Variants in FBXO38 observed in about 807,000 individuals in gnomAD.
The protein encoded by FBXO38 is F-box protein 38, also known as F-box only protein 38.
Under a neutral mutation model 131.9 loss-of-function variants are expected in FBXO38, and 53 were observed. The observed-to-expected ratio is 0.40, with a 90% CI of 0.32 to 0.51. FBXO38 has a LOEUF of 0.51. Ranked by LOEUF, FBXO38 falls within the 20% of genes least tolerant of loss-of-function variation. FBXO38 has a pLI of 0.53. For synonymous variants in FBXO38, 452 were observed against 505.6 expected (o/e 0.89, Z 1.42); for missense variants, 1,076 against 1,475.6 (o/e 0.73, Z 4.44).
chr5:148,395,943 A>G (rs1758456901), intron 2 of FBXO38, among the ~76,000 whole-genome samples: 1 of 152,150 alleles, frequency 6.6e-6, no homozygotes, highest in Non-Finnish European at 1.5e-5. Flanking sequence ...TAGTTTACCT[A>G]TGAAAAATTT....
chr5:148,407,933 A>AG (rs1752532541), intron 7 of FBXO38, among the ~76,000 whole-genome samples: 2 of 151,784 alleles, frequency 1.3e-5, no homozygotes, highest in South Asian at 4.2e-4. Flanking sequence ...TCAAAAAAAA[A>AG]AGAGAGAGAG....
chr5:148,440,588 C>T (rs1754621296), intron 20 of FBXO38, 61 bp downstream of exon 20: 8 of 1,013,408 alleles, frequency 7.9e-6, no homozygotes, highest in African/African-American at 1.7e-5. Flanking sequence ...CTCTGTAATC[C>T]CAGCGACTCA....
At position 148,442,378 on chromosome 5, in the gene FBXO38, T is replaced by G; in HGVS notation, c.*231T>G. ...TATCATATGTTTATACAATTTAATT[T>G]AAAAATTCATTTTAAGGAAGACAGA... On this transcript the variant is annotated 3_prime_UTR_variant, in exon 22 of 22. Coordinates refer to ENST00000340253, the MANE Select transcript of FBXO38 (RefSeq NM_205836.3). The G allele has an allele frequency of 3.1e-6, 1 of 318,976 alleles. No homozygotes were observed. Among genetic ancestry groups the G allele is most frequent in the Non-Finnish European group, 5.6e-6 (1 of 177,384 alleles). The allele number at this position is 318,976 out of a possible 1,614,324, so 19.8% of individuals were successfully genotyped here.
At position 148,427,845 on chromosome 5, in the gene FBXO38, C is replaced by G; in HGVS notation, c.2551C>G (p.Gln851Glu). The G allele has an allele frequency of 1.9e-6, 3 of 1,598,162 alleles. No homozygotes were observed. The highest frequency in any genetic ancestry group is 2.6e-6 in the Non-Finnish European group (3 of 1,172,828). The change falls in exon 15 of 22, where the codon CAG becomes GAG. Residue 851 changes from glutamine (Q) to glutamate (E), a missense_variant. Coordinates refer to ENST00000340253, the MANE Select transcript of FBXO38 (RefSeq NM_205836.3). ...ATGEDRRGSS[Q>E]PESCDVQSNE... is the part of the protein sequence containing the mutation. ...AGGTGAGGACAGGAGGGGGAGCTCC[C>G]AGCCTGAGAGTTGTGACGTGCAGTC...
Position 148,427,951 on chromosome 5 carries a change from T to C in FBXO38, c.2653+4T>C. On this transcript the variant is annotated splice_donor_region_variant and intron_variant, in intron 15 of 21. Transcript: ENST00000340253. The stretch of plus-strand genomic sequence containing the variant: ...GTACTGCTGGTATCTGAGTCAGGTA[T>C]GACAATGCTCCTAGGATTAGCAACT... 2.7e-6 allele frequency: 4 copies of C among 1,505,166 alleles called. No homozygotes were observed. Among genetic ancestry groups the C allele is most frequent in the Non-Finnish European group, 1.8e-6 (2 of 1,126,738 alleles). 93.2% of individuals were successfully genotyped at this position (1,505,166 alleles called of 1,614,324 possible).
At chr5:148,386,720 T>C (rs1169287296) in intron 1 of FBXO38, among the ~76,000 whole-genome samples, 2 of 152,108 alleles carry the variant, frequency 1.3e-5, no homozygotes, top group African/African-American at 2.4e-5. Flanking sequence ...CTCTCCTCCT[T>C]ATTTATTCAG....
intron 8 of FBXO38, among the ~76,000 whole-genome samples, chr5:148,409,645 G>A (rs909005564): frequency 1.3e-5 from 2 of 152,200 alleles, no homozygotes; most frequent in African/African-American, 4.8e-5. Context: ...CTTTTCCAAA[G>A]TCTGACCTTG....
intron 20 of FBXO38, 56 bp downstream of exon 20, chr5:148,440,583 TA>T: frequency 9.4e-7 from 1 of 1,058,576 alleles, no homozygotes; most frequent in Non-Finnish European, 1.4e-6. Context: ...CTTACCTCTG[TA>T]ATCCCAGCGA....
intron 3 of FBXO38, among the ~76,000 whole-genome samples, chr5:148,401,556 A>G (rs1049174020): frequency 6.6e-6 from 1 of 152,154 alleles, no homozygotes; most frequent in Non-Finnish European, 1.5e-5. Context: ...TATCTTATTT[A>G]TATTTTTAGT....
intron 17 of FBXO38, 117 bp downstream of exon 17, chr5:148,433,854 G>T: frequency 3.6e-6 from 2 of 559,904 alleles, no homozygotes; most frequent in South Asian, 6.8e-5. Context: ...TATTGTGTTG[G>T]GTTATCTTTA....
intron 9 of FBXO38, chr5:148,413,564 T>C (rs146652952): frequency 6.6e-6 from 1 of 152,292 alleles, no homozygotes; most frequent in East Asian, 1.9e-4. Context: ...CCTTTACTTA[T>C]TCCCAAACCC....
intron 12 of FBXO38, among the ~76,000 whole-genome samples, chr5:148,422,191 T>C (rs981732426): frequency 2.6e-5 from 4 of 152,212 alleles, no homozygotes; most frequent in African/African-American, 4.8e-5. Flanking sequence ...AACTTTTTAA[T>C]AGCTTCCCAT....
At position 148,424,008 on chromosome 5, in the gene FBXO38, G is replaced by A. The variant is rs773078662; in HGVS notation, c.1629G>A (p.Glu543=). ...EQQFAADALN[E]MEDIVQEDGE... Reference sequence around the variant, plus strand: ...ATATTTTCGTTGAAGCATTAAATGAGATGGAAGACATCGTCCAAGAAGATG... The same window carrying A: ...ATATTTTCGTTGAAGCATTAAATGAAATGGAAGACATCGTCCAAGAAGATG... The change falls in exon 13 of 22, where the codon GAG becomes GAA. Residue 543 remains glutamate, a synonymous_variant. Coordinates refer to ENST00000340253, the MANE Select transcript of FBXO38 (RefSeq NM_205836.3). 1.2e-6 allele frequency: 2 copies of A among 1,612,310 alleles called. No homozygotes were observed. The highest frequency in any genetic ancestry group is 1.7e-6 in the Non-Finnish European group (2 of 1,179,340).
At chr5:148,425,735 G>GA in intron 14 of FBXO38, 34 bp downstream of exon 14, 2 of 1,584,308 alleles carry the variant, frequency 1.3e-6, no homozygotes, top group Non-Finnish European at 1.7e-6. Flanking sequence ...CTATTAATGA[G>GA]AGTCACTATC....
chr5:148,404,156 A>C (rs545157697), intron 5 of FBXO38, among the ~76,000 whole-genome samples: 2 of 152,168 alleles, frequency 1.3e-5, no homozygotes, highest in Non-Finnish European at 2.9e-5. Flanking sequence ...TAAGATTCAT[A>C]TATTTATAGA....
At chr5:148,385,561 C>T (rs1757868335) in intron 1 of FBXO38, among the ~76,000 whole-genome samples, 1 of 152,150 alleles carries the variant, frequency 6.6e-6, no homozygotes, top group African/African-American at 2.4e-5. Flanking sequence ...ATCTGTAAAA[C>T]GAAGGGTTGA....
In FBXO38 at chr5:148,402,359, T is replaced by C. The variant is rs771410003; in HGVS notation, c.438T>C (p.Thr146=). The C allele has an allele frequency of 2.5e-6, 4 of 1,602,122 alleles. No homozygotes were observed. Among genetic ancestry groups the C allele is most frequent in the Non-Finnish European group, 3.4e-6 (4 of 1,172,642 alleles). ...QACPNLVGVE[T]SHLELVESIW... is the part of the protein sequence containing the mutation. ...GCATTATTTTCTAGGGTGTGGAAAC[T>C]TCTCATTTGGAGTTGGTAGAATCCA... The change falls in exon 5 of 22, where the codon ACT becomes ACC. Residue 146 remains threonine (T), a synonymous_variant. Transcript: ENST00000340253.
Position 148,398,979 on chromosome 5 carries a change from A to G in FBXO38, c.129-20A>G, listed in dbSNP as rs769047668. On this transcript the variant is annotated intron_variant, in intron 2 of 21. Coordinates refer to ENST00000340253, the MANE Select transcript of FBXO38 (RefSeq NM_205836.3). ...AATACTTATCCACTTGATAAATACG[A>G]GTTTCTTTCTCTCACAAAGGTACCT... 3 of 1,612,430 alleles carry G rather than the reference A, an allele frequency of 1.9e-6. No individual in the cohort carries two copies. Among genetic ancestry groups the G allele is most frequent in the Non-Finnish European group, 2.5e-6 (3 of 1,179,072 alleles).
At position 148,402,091 on chromosome 5, in the gene FBXO38, G is replaced by A; in HGVS notation, c.372G>A (p.Glu124=). ...AGAGGCGAAGAGTAAGGGGCCATGA[G>A]GCTTTTAGCATTCCAGGAGTCCTAG... ...YLERRRVRGH[E]AFSIPGVLEA... Residue 124 remains glutamate, a synonymous_variant, in exon 4 of 22, where the codon GAG becomes GAA. Transcript: ENST00000340253. The A allele has an allele frequency of 6.2e-7, 1 of 1,613,672 alleles. No individual in the cohort carries two copies. Among genetic ancestry groups the A allele is most frequent in the Non-Finnish European group, 8.5e-7 (1 of 1,179,654 alleles).
Sources: allele counts gnomAD v4.1 joint callset (sites outside exome capture counted in the v4.1 genomes callset), GRCh38; gene constraint gnomAD v4.1.1; transcripts MANE v1.5; gene names NCBI Gene and HGNC (gene_info 2026-07-23, HGNC 2026-07-21).